TMCO4: variants seen among roughly 807,000 people sequenced by gnomAD.
TMCO4 encodes the protein transmembrane and coiled-coil domain-containing protein 4.
Under a neutral mutation model 64.7 loss-of-function variants are expected in TMCO4, and 58 were observed. The observed-to-expected ratio is 0.90, with a 90% confidence interval of 0.73 to 1.12. TMCO4 has a LOEUF of 1.12. Ranked by LOEUF, TMCO4 falls within the 50% of genes most tolerant of loss-of-function variation. TMCO4 has a pLI of 0.00. For synonymous variants in TMCO4, 325 were observed against 346.1 expected (o/e 0.94, Z 0.68); for missense variants, 780 against 825.9 (o/e 0.94, Z 0.68).
chr1:19,790,171 A>T (rs2043959547), intron 2 of TMCO4, among the ~76,000 whole-genome samples: 1 of 152,114 alleles, frequency 6.6e-6, no homozygotes, highest in African/African-American at 2.4e-5. Flanking sequence ...ACAAAAATTA[A>T]CTGAAGATGG....
At chr1:19,707,548 G>C (rs752272709) in intron 13 of TMCO4, among the ~76,000 whole-genome samples, 3 of 152,208 alleles carry the variant, frequency 2.0e-5, no homozygotes, top group African/African-American at 7.2e-5. Context: ...ACTTGAACCT[G>C]GGAGGAGGAG....
intron 7 of TMCO4, among the ~76,000 whole-genome samples, chr1:19,752,590 T>C (rs2042067411): frequency 6.6e-6 from 1 of 152,180 alleles, no homozygotes; most frequent in Non-Finnish European, 1.5e-5. Flanking sequence ...AGAGAGAGCT[T>C]ATCACTGAGA....
At chr1:19,691,865 A>C (rs2095197727) in intron 15 of TMCO4, among the ~76,000 whole-genome samples, 1 of 152,306 alleles carries the variant, frequency 6.6e-6, no homozygotes, top group Non-Finnish European at 1.5e-5. Flanking sequence ...GGTTTCCCCC[A>C]ACCTGTTCTC....
At chr1:19,696,317 AG>A (rs2095236627) in intron 14 of TMCO4, among the ~76,000 whole-genome samples, 1 of 152,184 alleles carries the variant, frequency 6.6e-6, no homozygotes, top group Non-Finnish European at 1.5e-5. Context: ...TGGGAGGCTG[AG>A]GTGGGAGGAT....
At chr1:19,700,932 G>A in intron 13 of TMCO4, 47 bp from the exon 14 acceptor site, 2 of 1,521,150 alleles carry the variant, frequency 1.3e-6, no homozygotes, top group Non-Finnish European at 1.8e-6. Flanking sequence ...TGGCCACATT[G>A]GGTGCTGGGA....
intron 6 of TMCO4, among the ~76,000 whole-genome samples, chr1:19,770,085 T>C (rs1383549337): frequency 1.3e-5 from 2 of 152,118 alleles, no homozygotes; most frequent in Admixed American, 1.3e-4. Flanking sequence ...TTCTCCTGAG[T>C]GCAGAGGGAG....
chr1:19,767,318 A>G (rs2042778970), intron 6 of TMCO4, among the ~76,000 whole-genome samples: 1 of 152,260 alleles, frequency 6.6e-6, no homozygotes, highest in African/African-American at 2.4e-5. Flanking sequence ...TAAGGTCACC[A>G]GCATTTAACG....
chr1:19,691,269 G>C (rs977053607), intron 15 of TMCO4, among the ~76,000 whole-genome samples: 5 of 152,144 alleles, frequency 3.3e-5, no homozygotes, highest in Non-Finnish European at 5.9e-5. Flanking sequence ...AGTTAGGAAG[G>C]CACAGGGTGG....
rs910862740 is a variant in TMCO4 at position 19,709,890 on chromosome 1, G to A, written c.1265-9005C>T. On this transcript the variant is annotated intron_variant, in intron 13 of 15. Coordinates refer to ENST00000294543, the MANE Select transcript of TMCO4 (RefSeq NM_181719.7). ...TGCAACCTCCACCTCCTGGGTTCAC[G>A]TGATTCTCCTGCCTCAGCCTCCCGA... 7.9e-5 allele frequency among the ~76,000 whole-genome samples: 12 copies of A among 151,026 alleles called. No homozygotes were observed. In the East Asian group the frequency reaches 1.9e-3, roughly 25 times the overall value.
chr1:19,791,413 G>A (rs557487260), intron 2 of TMCO4, among the ~76,000 whole-genome samples: 1 of 152,300 alleles, frequency 6.6e-6, no homozygotes, highest in African/African-American at 2.4e-5. Context: ...TCTCCATGAT[G>A]CTGGAATGGG....
intron 6 of TMCO4, among the ~76,000 whole-genome samples, chr1:19,758,929 C>T (rs1482438053): frequency 1.3e-5 from 2 of 151,908 alleles, no homozygotes; most frequent in Admixed American, 1.3e-4. Flanking sequence ...GGTGAAACCC[C>T]TTCTCTACTA....
At chr1:19,737,536 T>G in intron 12 of TMCO4, 80 bp from the exon 13 acceptor site, 1 of 1,303,732 alleles carries the variant, frequency 7.7e-7, no homozygotes, top group Non-Finnish European at 1.1e-6. Flanking sequence ...AGGGCAGCCT[T>G]TGCACATTCC....
intron 3 of TMCO4, among the ~76,000 whole-genome samples, chr1:19,782,772 C>T (rs1454888264): frequency 3.9e-5 from 6 of 152,160 alleles, no homozygotes; most frequent in East Asian, 1.9e-4. Flanking sequence ...GGGTGCCAGC[C>T]TCTACTACAG....
rs754998314 is a variant in TMCO4, at chr1:19,718,650, C to CAA, written c.1265-17767_1265-17766dup. Among the ~76,000 whole-genome samples, 69 of 63,314 alleles carry CAA rather than the reference C, an allele frequency of 1.1e-3. 2 individuals are homozygous for CAA. The East Asian group carries it at 0.027, about 25-fold the overall frequency. 41.5% of individuals were successfully genotyped at this position (63,314 alleles called of 152,430 possible). A position where few individuals can be genotyped will look rare whatever the true frequency, so the allele number is the denominator to read the frequency against. ...TGGGTAACAGAATGAGACCGTCTCTCAAAAAAAAAAAAAAAAGAGAGAGAG... is the reference window on the plus strand; with the variant it reads ...TGGGTAACAGAATGAGACCGTCTCTCAAAAAAAAAAAAAAAAAAGAGAGAGAG... On this transcript the variant is annotated intron_variant, in intron 13 of 15. Transcript: ENST00000294543.
chr1:19,737,408 T>C lies in TMCO4; in HGVS notation c.1228A>G (p.Ile410Val), dbSNP rs748380379. Residue 410 changes from isoleucine to valine, a missense_variant, in exon 13 of 16, where the codon ATC (isoleucine) becomes GTC (valine). Physicochemically the swap from Ile to Val is conservative, Grantham distance 29. Coordinates refer to ENST00000294543, the MANE Select transcript of TMCO4 (RefSeq NM_181719.7). ...LIGFSLGARV[I>V]YFCLQEMAQE... ...GCCATCTCCTGCAGACAGAAGTAGA[T>C]GACTCTGGCTCCCAGGCTGAAGCCA... is the stretch of plus-strand genomic sequence containing the variant. 3 of 1,613,986 alleles carry C rather than the reference T, an allele frequency of 1.9e-6. No homozygotes were observed. Among genetic ancestry groups the C allele is most frequent in the Non-Finnish European group, 2.5e-6 (3 of 1,179,960 alleles).
At chr1:19,699,859 C>A (rs2095260341) in intron 14 of TMCO4, among the ~76,000 whole-genome samples, 1 of 152,170 alleles carries the variant, frequency 6.6e-6, no homozygotes, top group African/African-American at 2.4e-5. Context: ...CATGTACATA[C>A]ATGCAAACAC....
chr1:19,798,441 C>T (rs2044441670), intron 1 of TMCO4, among the ~76,000 whole-genome samples: 1 of 152,178 alleles, frequency 6.6e-6, no homozygotes, highest in Admixed American at 6.5e-5. Context: ...TCCTCCTGTC[C>T]AACTCCTCCT....
intron 6 of TMCO4, among the ~76,000 whole-genome samples, chr1:19,758,267 C>A (rs1031429344): frequency 6.6e-6 from 1 of 151,822 alleles, no homozygotes; most frequent in Non-Finnish European, 1.5e-5. Context: ...GAGCTGTCTA[C>A]GTGCTGGGGA....
chr1:19,700,841 C>T lies in TMCO4; in HGVS notation c.1309G>A (p.Val437Met), dbSNP rs1468651537. 5 of 1,614,262 alleles carry T rather than the reference C, an allele frequency of 3.1e-6. No individual in the cohort carries two copies. The highest frequency in any genetic ancestry group is 4.2e-6 in the Non-Finnish European group (5 of 1,180,046). ...TCCCAATGCTTGGCTTCTCCCTCCA[C>T]AGGCGCACCCAGCAGGATGACGTCC... ...IEDVILLGAP[V>M]EGEAKHWEPF... The change falls in exon 14 of 16, where the codon GTG becomes ATG. Residue 437 changes from valine to methionine, a missense_variant. By Grantham distance (21) the Val-to-Met change is conservative. Coordinates refer to ENST00000294543, the MANE Select transcript of TMCO4 (RefSeq NM_181719.7).
Sources: allele counts gnomAD v4.1 joint callset (sites outside exome capture counted in the v4.1 genomes callset), GRCh38; gene constraint gnomAD v4.1.1; transcripts MANE v1.5; gene names NCBI Gene and HGNC (gene_info 2026-07-23, HGNC 2026-07-21).